RHOBTB2: variants seen among roughly 807,000 people sequenced by gnomAD.
RHOBTB2 encodes the protein rho-related BTB domain-containing protein 2.
Under a neutral mutation model 66.5 loss-of-function variants are expected in RHOBTB2, and 39 were observed. The observed-to-expected ratio is 0.59, with a 90% confidence interval of 0.45 to 0.77. The LOEUF is 0.77. RHOBTB2 is among the 30% of genes least tolerant of loss of function. The probability of loss-of-function intolerance (pLI) is 0.00; values close to 1 mark genes in which losing one functional copy is unlikely to be tolerated. For missense variants in RHOBTB2, 755 were observed against 999.1 expected (o/e 0.76, Z 3.29); for synonymous variants, 390 against 395.0 (o/e 0.99, Z 0.15).
Position 23,007,014 on chromosome 8 carries a change from G to C in RHOBTB2, c.769G>C (p.Ala257Pro). Residue 257 changes from alanine (A) to proline (P), a missense_variant, in exon 5 of 10, where the codon GCC (alanine) becomes CCC (proline). Coordinates refer to ENST00000251822, the MANE Select transcript of RHOBTB2 (RefSeq NM_015178.3). ...TCCCTCCAGCAGCGAGGAGTGCCCC[G>C]CCCACCTCCTGGAGGACCCGCTCTG... ...DPPSSSEECP[A>P]HLLEDPLCAD... The C allele has an allele frequency of 1.2e-6, 2 of 1,608,288 alleles. No individual in the cohort carries two copies. The highest frequency in any genetic ancestry group is 1.7e-6 in the Non-Finnish European group (2 of 1,178,740).
chr8:22,976,758 C>T, the RHOBTB2 span, among the ~76,000 whole-genome samples: 1 of 151,862 alleles, frequency 6.6e-6, no homozygotes, highest in Non-Finnish European at 1.5e-5. Context: ...CCCAAGTAGC[C>T]GTGATTACAA....
chr8:22,987,991 C>G (rs988510232), intron 1 of RHOBTB2, among the ~76,000 whole-genome samples: 1 of 152,070 alleles, frequency 6.6e-6, no homozygotes, highest in Admixed American at 6.6e-5. Flanking sequence ...CCCCACCCCC[C>G]ACAACCCACT....
chr8:22,965,402 A>G, the RHOBTB2 span, among the ~76,000 whole-genome samples: 3 of 146,700 alleles, frequency 2.0e-5, no homozygotes, highest in African/African-American at 7.3e-5. Context: ...AATCCCAATT[A>G]TGCTTTTTTG....
upstream of RHOBTB2, among the ~76,000 whole-genome samples, chr8:22,995,105 T>A (rs79913163): frequency 0.051 from 7,763 of 151,954 alleles, 386 homozygotes; most frequent in East Asian, 0.24. Context: ...TTTTTAAAAA[T>A]TTTTTTTAAT....
chr8:22,962,642 A>G, the RHOBTB2 span, among the ~76,000 whole-genome samples: 9 of 152,268 alleles, frequency 5.9e-5, no homozygotes, highest in Admixed American at 5.9e-4. Context: ...GCTATAGATG[A>G]AGCCACTGAG....
At position 23,019,475 on chromosome 8, in the gene RHOBTB2, T is replaced by TGGGCA. The variant is rs751924679; in HGVS notation, c.*2011_*2015dup. 1.3e-5 allele frequency: 2 copies of TGGGCA among 152,360 alleles called. No individual in the cohort carries two copies. Among genetic ancestry groups the TGGGCA allele is most frequent in the African/African-American group, 2.4e-5 (1 of 41,414 alleles). The allele number at this position is 152,360 out of a possible 1,614,324, so 9.4% of individuals were successfully genotyped here. On this transcript the variant is annotated 3_prime_UTR_variant, in exon 10 of 10. Transcript: ENST00000251822. ...GCTCCAAGTGAGGCCCAGAAGCCCA[T>TGGGCA]GGGCAGGGCTGGGGGGACGAAGGGG...
chr8:23,000,372 G>A (rs915997019), intron 1 of RHOBTB2, among the ~76,000 whole-genome samples: 1 of 152,224 alleles, frequency 6.6e-6, no homozygotes, highest in African/African-American at 2.4e-5. Context: ...TCTATTTTGT[G>A]TGTGTGCAGA....
At position 23,006,461 on chromosome 8, in the gene RHOBTB2, G is replaced by C; in HGVS notation, c.483-267G>C. The C allele has an allele frequency of 1.8e-6, 1 of 565,180 alleles. No homozygotes were observed. Among genetic ancestry groups the C allele is most frequent in the South Asian group, 2.4e-5 (1 of 41,246 alleles). The allele number at this position is 565,180 out of a possible 1,614,324, so 35.0% of individuals were successfully genotyped here. ...ATGTTAAATACCCATGTGAAGCATT[G>C]CCTGCTAATTGCCAGAGAGGCAGTG... is the stretch of plus-strand genomic sequence containing the variant. On this transcript the variant is annotated intron_variant, in intron 4 of 9. Coordinates refer to ENST00000251822, the MANE Select transcript of RHOBTB2 (RefSeq NM_015178.3). This position sits in a 1 kb window ranked among gnomAD's most constrained non-coding sequence, Gnocchi z 6.1.
At chr8:22,963,731 A>C in the RHOBTB2 span, among the ~76,000 whole-genome samples, 1 of 152,116 alleles carries the variant, frequency 6.6e-6, no homozygotes, top group African/African-American at 2.4e-5. Flanking sequence ...GCAGGCAAAA[A>C]ATGAGAGAGG....
Position 23,015,653 on chromosome 8 carries a change from C to T in RHOBTB2, c.1876C>T (p.Gln626Ter). Residue 626 changes from glutamine to a stop codon, truncating the protein, a stop_gained, in exon 9 of 10, where the codon CAG (glutamine) becomes TAG (stop). Transcript: ENST00000251822. LOFTEE classifies it high-confidence loss of function. ...CTGTCCCCAGTTCCACTGTGCGTAC[C>T]AGCTGGCCGACTGGTGTCTCCACCA... ...LELAQFHCAY[Q>*]LADWCLHHIC... 1 of 1,613,338 alleles carries T rather than the reference C, an allele frequency of 6.2e-7. No individual in the cohort carries two copies. The highest frequency in any genetic ancestry group is 8.5e-7 in the Non-Finnish European group (1 of 1,179,350).
At chr8:22,963,415 A>AT in the RHOBTB2 span, among the ~76,000 whole-genome samples, 1 of 152,236 alleles carries the variant, frequency 6.6e-6, no homozygotes, top group South Asian at 2.1e-4. Flanking sequence ...TAAAGATGAA[A>AT]TAGGTAAAGA....
chr8:22,999,418 G>A (rs1212740750), upstream of RHOBTB2, among the ~76,000 whole-genome samples: 1 of 151,618 alleles, frequency 6.6e-6, no homozygotes, highest in Non-Finnish European at 1.5e-5. Flanking sequence ...GGGAGGGGCG[G>A]AAGAGCGCGG....
In RHOBTB2 at chr8:23,017,022, C is replaced by T. The variant is rs755159629; in HGVS notation, c.1967-230C>T. On this transcript the variant is annotated intron_variant, in intron 9 of 9. Coordinates refer to ENST00000251822, the MANE Select transcript of RHOBTB2 (RefSeq NM_015178.3). The surrounding 1 kb of genome is among the most constrained non-coding windows in gnomAD (Gnocchi z 5.3). ...ACAGGAAGCCCTTGTCTAGATCGCC[C>T]GTCTTTGGAAAGGAACCCAGCTGGA... Among the ~76,000 whole-genome samples the T allele has an allele frequency of 5.9e-5, 9 of 152,126 alleles. No individual in the cohort carries two copies. The highest frequency in any genetic ancestry group is 1.0e-4 in the Non-Finnish European group (7 of 67,996).
chr8:23,017,720 G>C lies in RHOBTB2; in HGVS notation c.*251G>C. The C allele has an allele frequency of 3.7e-6, 2 of 546,452 alleles. No homozygotes were observed. Among genetic ancestry groups the C allele is most frequent in the Middle Eastern group, 5.0e-4 (1 of 2,002 alleles). 33.9% of individuals were successfully genotyped at this position (546,452 alleles called of 1,614,324 possible). ...ACGGGAGACAACTGCTTGGAGGAGC[G>C]AAGAGCCCTGGCATTTTATCTCTGG... On this transcript the variant is annotated 3_prime_UTR_variant, in exon 10 of 10. Transcript: ENST00000251822. This position sits in a 1 kb window ranked among gnomAD's most constrained non-coding sequence, Gnocchi z 5.3.
chr8:22,976,089 T>C, the RHOBTB2 span, among the ~76,000 whole-genome samples: 2 of 152,052 alleles, frequency 1.3e-5, no homozygotes, highest in Non-Finnish European at 2.9e-5. Context: ...GAAGTTGCAG[T>C]GAGCCAAGAT....
At position 23,004,620 on chromosome 8, in the gene RHOBTB2, C is replaced by A. The variant is rs1293872291; in HGVS notation, c.186C>A (p.Cys62Ter). The A allele has an allele frequency of 6.2e-7, 1 of 1,612,642 alleles. No individual in the cohort carries two copies. The highest frequency in any genetic ancestry group is 8.5e-7 in the Non-Finnish European group (1 of 1,179,558). The change falls in exon 2 of 10, where the codon TGC becomes TGA. Residue 62 changes from cysteine (C) to a stop codon, truncating the protein, a stop_gained. Transcript: ENST00000251822. LOFTEE classifies it high-confidence loss of function. This position sits in a 1 kb window ranked among gnomAD's most constrained non-coding sequence, Gnocchi z 6.4. ...GGGCCATCGACCAATATCGTGTGTGCCAGGAGGTAAGGCTGCAGGACTACC... is the reference window on the plus strand; with the variant it reads ...GGGCCATCGACCAATATCGTGTGTGACAGGAGGTAAGGCTGCAGGACTACC... ...TVWAIDQYRV[C>*]QEVLERSRDV...
In RHOBTB2 at chr8:23,020,053, A is replaced by G. The variant is rs1171273493; in HGVS notation, c.*2584A>G. 5.8e-6 allele frequency: 2 copies of G among 346,884 alleles called. No homozygotes were observed. The highest frequency in any genetic ancestry group is 1.5e-4 in the East Asian group (2 of 13,030). The allele number at this position is 346,884 out of a possible 1,614,324, so 21.5% of individuals were successfully genotyped here. On this transcript the variant is annotated 3_prime_UTR_variant, in exon 10 of 10. Coordinates refer to ENST00000251822, the MANE Select transcript of RHOBTB2 (RefSeq NM_015178.3). Reference sequence around the variant, plus strand: ...GGAAGGAAGGAGTCCCAGCAGGAGCACAGCCCTGGTTTCCTGTCACTCAGA... The same window carrying G: ...GGAAGGAAGGAGTCCCAGCAGGAGCGCAGCCCTGGTTTCCTGTCACTCAGA...
At chr8:22,973,521 A>G in the RHOBTB2 span, among the ~76,000 whole-genome samples, 102 of 152,084 alleles carry the variant, frequency 6.7e-4, no homozygotes, top group Non-Finnish European at 1.3e-3. Context: ...GGCGTGAGCC[A>G]CCACACCTGG....
the RHOBTB2 span, among the ~76,000 whole-genome samples, chr8:22,967,541 G>A: frequency 6.7e-6 from 1 of 148,560 alleles, no homozygotes; most frequent in African/African-American, 2.5e-5. Flanking sequence ...GAACCCAGGA[G>A]GCAGAGAGCC....
Sources: allele counts gnomAD v4.1 joint callset (sites outside exome capture counted in the v4.1 genomes callset), GRCh38; gene constraint gnomAD v4.1.1; non-coding constraint Gnocchi (gnomAD v3.1); transcripts MANE v1.5; gene names NCBI Gene and HGNC (gene_info 2026-07-23, HGNC 2026-07-21).